Variants in LTBP1 observed in about 807,000 individuals in gnomAD.
LTBP1 encodes the protein latent transforming growth factor beta binding protein 1.
A neutral mutation model predicts 207.6 loss-of-function variants in LTBP1; 129 were observed. The observed-to-expected ratio is 0.62, with a 90% CI of 0.54 to 0.72. The LOEUF (loss-of-function observed/expected upper bound fraction) is 0.72, where lower values mean the gene tolerates loss of function less well. LTBP1 is among the 30% of genes least tolerant of loss of function. The probability of loss-of-function intolerance (pLI) is 0.00; values close to 1 mark genes in which losing one functional copy is unlikely to be tolerated. For synonymous variants in LTBP1, 963 were observed against 833.7 expected (o/e 1.16, Z -2.67); for missense variants, 2,281 against 2,217.2 (o/e 1.03, Z -0.58).
intron 2 of LTBP1, among the ~76,000 whole-genome samples, chr2:32,991,084 G>T (rs1215500220): frequency 6.6e-6 from 1 of 152,222 alleles, no homozygotes; most frequent in Non-Finnish European, 1.5e-5. Flanking sequence ...TTGAGGAGAA[G>T]AAAGTGCCGA....
At chr2:33,165,130 A>G (rs150345669) in intron 5 of LTBP1, among the ~76,000 whole-genome samples, 1 of 152,288 alleles carries the variant, frequency 6.6e-6, no homozygotes, top group African/African-American at 2.4e-5. Flanking sequence ...GTCATAGAAA[A>G]ATTCTGTAGG....
chr2:33,138,820 AC>A (rs1558688910), intron 5 of LTBP1, among the ~76,000 whole-genome samples: 1 of 151,362 alleles, frequency 6.6e-6, no homozygotes, highest in East Asian at 1.9e-4. Flanking sequence ...ATTATAAAAA[AC>A]ATTGGACCAT....
At chr2:33,111,853 C>T (rs183026312) in intron 4 of LTBP1, among the ~76,000 whole-genome samples, 16 of 152,238 alleles carry the variant, frequency 1.1e-4, no homozygotes, top group African/African-American at 3.9e-4. Context: ...GGGAAGAATA[C>T]AGAAACCATT....
At chr2:33,189,074 A>G (rs1254514743) in intron 7 of LTBP1, among the ~76,000 whole-genome samples, 1 of 152,238 alleles carries the variant, frequency 6.6e-6, no homozygotes, top group Non-Finnish European at 1.5e-5. Context: ...CTGCAGAATT[A>G]AATAGTCCAG....
chr2:33,192,009 A>G (rs1185589744), intron 7 of LTBP1, among the ~76,000 whole-genome samples: 1 of 152,184 alleles, frequency 6.6e-6, no homozygotes, highest in African/African-American at 2.4e-5. Context: ...GAATTTCAGA[A>G]CTGTTTGGAG....
chr2:33,021,282 C>T lies in LTBP1; in HGVS notation c.863+76C>T, dbSNP rs1043505834. The stretch of plus-strand genomic sequence containing the variant: ...TGGATGCCTTGCTTTAAATCACTGT[C>T]CCTTTCCTGCACAATTTGCAGAAAT... On this transcript the variant is annotated intron_variant, in intron 3 of 33. Transcript: ENST00000404816. The T allele has an allele frequency of 5.2e-6, 7 of 1,333,954 alleles. No individual in the cohort carries two copies. The African/African-American group carries it at 1.0e-4, about 20-fold the overall frequency. The allele number at this position is 1,333,954 out of a possible 1,614,324, so 82.6% of individuals were successfully genotyped here. A position where few individuals can be genotyped will look rare whatever the true frequency, so the allele number is the denominator to read the frequency against.
At chr2:32,964,051 T>C (rs1226102833) in intron 2 of LTBP1, among the ~76,000 whole-genome samples, 1 of 152,214 alleles carries the variant, frequency 6.6e-6, no homozygotes, top group Non-Finnish European at 1.5e-5. Context: ...GAGCATACTC[T>C]TGGAATTGGC....
chr2:33,051,373 G>A (rs1334609207), intron 3 of LTBP1, among the ~76,000 whole-genome samples: 2 of 152,028 alleles, frequency 1.3e-5, no homozygotes, highest in Non-Finnish European at 2.9e-5. Flanking sequence ...CTGTGATTAT[G>A]CCACTTTAAC....
At chr2:33,191,803 T>G (rs1415324499) in intron 7 of LTBP1, among the ~76,000 whole-genome samples, 1 of 152,226 alleles carries the variant, frequency 6.6e-6, no homozygotes, top group East Asian at 1.9e-4. Flanking sequence ...TGTCAAACAT[T>G]GAGACTTTCA....
intron 4 of LTBP1, among the ~76,000 whole-genome samples, chr2:33,120,521 A>G (rs1240058028): frequency 1.3e-5 from 2 of 152,158 alleles, no homozygotes; most frequent in Non-Finnish European, 2.9e-5. Flanking sequence ...ACATGATCTC[A>G]TTCTTTTTTA....
intron 15 of LTBP1, among the ~76,000 whole-genome samples, chr2:33,264,022 G>A (rs1193147480): frequency 1.6e-4 from 24 of 150,506 alleles, no homozygotes; most frequent in African/African-American, 3.4e-4. Flanking sequence ...TCAGGAGGTC[G>A]AGGTGGGCAG....
chr2:32,983,473 T>C (rs1683072617), intron 2 of LTBP1, among the ~76,000 whole-genome samples: 1 of 152,114 alleles, frequency 6.6e-6, no homozygotes, highest in Non-Finnish European at 1.5e-5. Flanking sequence ...GAAGGCATGA[T>C]TGGCTTTGAA....
intron 24 of LTBP1, among the ~76,000 whole-genome samples, chr2:33,315,905 C>G (rs1354717810): frequency 6.6e-6 from 1 of 152,152 alleles, no homozygotes; most frequent in African/African-American, 2.4e-5. Flanking sequence ...CCATTGCACT[C>G]CAGCCTGGGC....
At chr2:33,149,243 A>ACC (rs1558707572) in intron 5 of LTBP1, among the ~76,000 whole-genome samples, 1 of 149,270 alleles carries the variant, frequency 6.7e-6, no homozygotes, top group African/African-American at 2.5e-5. Context: ...AAAAAAAAAA[A>ACC]AAAAAAAAAA....
intron 5 of LTBP1, among the ~76,000 whole-genome samples, chr2:33,143,527 AG>A (rs1162619464): frequency 6.6e-6 from 1 of 152,230 alleles, no homozygotes; most frequent in African/African-American, 2.4e-5. Context: ...CATAGGAAAT[AG>A]GATATTCCAC....
intron 3 of LTBP1, among the ~76,000 whole-genome samples, chr2:33,043,335 A>G (rs2149429490): frequency 6.6e-6 from 1 of 152,198 alleles, no homozygotes; most frequent in South Asian, 2.1e-4. Flanking sequence ...TTTACTTATT[A>G]AAAGAACCAC....
intron 3 of LTBP1, among the ~76,000 whole-genome samples, chr2:33,082,432 C>CTTTT (rs56058653): frequency 3.4e-4 from 10 of 29,350 alleles, no homozygotes; most frequent in African/African-American, 1.1e-3. Context: ...GTATGACTCA[C>CTTTT]TTTTTTTTTT....
At chr2:33,370,206 G>A (rs566043991) in intron 31 of LTBP1, among the ~76,000 whole-genome samples, 5 of 152,316 alleles carry the variant, frequency 3.3e-5, no homozygotes, top group South Asian at 2.1e-4. Flanking sequence ...ACTAATAGGC[G>A]TCTCAGATCA....
chr2:33,019,613 G>A (rs2075053801), intron 2 of LTBP1, among the ~76,000 whole-genome samples: 1 of 152,078 alleles, frequency 6.6e-6, no homozygotes, highest in Admixed American at 6.6e-5. Flanking sequence ...AGGATTACAG[G>A]CGTGAGCCAC....
Sources: gnomAD v4.1 joint callset for allele counts (sites outside exome capture counted in the v4.1 genomes callset) on GRCh38, gnomAD v4.1.1 for gene constraint, MANE v1.5 for transcripts, NCBI Gene and HGNC (gene_info 2026-07-23, HGNC 2026-07-21) for gene names.